Variants in CPZ observed in about 807,000 individuals in gnomAD.
CPZ encodes the protein VEZT/CPZ fusion.
Under a neutral mutation model 61.8 loss-of-function variants are expected in CPZ, and 103 were observed. The ratio of observed to expected loss-of-function variants is 1.67; its 90% CI spans 1.42 to 1.96. CPZ has a LOEUF of 1.96. CPZ is among the 30% of genes most tolerant of loss of function. CPZ has a pLI of 0.00. For missense variants in CPZ, 1,461 were observed against 914.9 expected, an observed-to-expected ratio of 1.60 and a Z score of -7.70; for synonymous variants, 551 against 373.7, an observed-to-expected ratio of 1.47 and a Z score of -5.47.
chr4:8,593,030 C>T (rs1713911754), intron 1 of CPZ, 109 bp downstream of exon 1: 1 of 840,532 alleles, frequency 1.2e-6, no homozygotes, highest in Non-Finnish European at 1.8e-6. Context: ...AGGTCACGCG[C>T]CTATGGTCCT....
rs1053491340 is a variant in CPZ, at chr4:8,596,539, C to T, written c.89-2914C>T. Among the ~76,000 whole-genome samples, 11 of 152,352 alleles carry T rather than the reference C, an allele frequency of 7.2e-5. No homozygotes were observed. The East Asian group carries it at 1.5e-3, about 21-fold the overall frequency. On this transcript the variant is annotated intron_variant, in intron 1 of 10. Transcript: ENST00000360986. ...TTATTGTGGGGTCACAGGGGATAGT[C>T]CTGCTCCTGCCCACGATATGCCCCA...
intron 1 of CPZ, among the ~76,000 whole-genome samples, chr4:8,594,698 G>A (rs1416210900): frequency 5.3e-5 from 8 of 152,082 alleles, no homozygotes; most frequent in Non-Finnish European, 8.8e-5. Context: ...AGCCATCCAC[G>A]CACAGAATTT....
intron 7 of CPZ, among the ~76,000 whole-genome samples, chr4:8,611,666 C>T (rs928603193): frequency 6.6e-6 from 1 of 152,162 alleles, no homozygotes; most frequent in African/African-American, 2.4e-5. Flanking sequence ...ACAGCCTGGG[C>T]TTTATAAACT....
chr4:8,605,330 C>CTATCCATCCATCCAGCCATCATTTATG (rs1553876725), intron 4 of CPZ, among the ~76,000 whole-genome samples: 1 of 149,204 alleles, frequency 6.7e-6, no homozygotes, highest in South Asian at 2.1e-4. Context: ...ATTCATCCAT[C>CTATCCATCCATCCAGCCATCATTTATG]CATCCATCCA....
At chr4:8,616,150 C>T (rs915423635) in intron 9 of CPZ, among the ~76,000 whole-genome samples, 3 of 152,216 alleles carry the variant, frequency 2.0e-5, no homozygotes, top group African/African-American at 4.8e-5. Flanking sequence ...CTGGCTGGCT[C>T]TTGAGACGGA....
In CPZ at chr4:8,619,504, C is replaced by A. The variant is rs767229617; in HGVS notation, c.1846C>A (p.Pro616Thr). Residue 616 changes from proline to threonine, a missense_variant, in exon 11 of 11, where the codon CCC becomes ACC. Physicochemically the swap from Pro to Thr is conservative, Grantham distance 38 (BLOSUM62 -1). Transcript: ENST00000360986. ...GASSLGEATE[P>T]DPLRARRQPS... Reference sequence around the variant, plus strand: ...CAGCTCTTTGGGGGAGGCCACGGAGCCCGACCCGCTCCGGGCGCGCAGGCA... The same window carrying A: ...CAGCTCTTTGGGGGAGGCCACGGAGACCGACCCGCTCCGGGCGCGCAGGCA... 2 of 1,603,700 alleles carry A rather than the reference C, an allele frequency of 1.2e-6. No homozygotes were observed. Among genetic ancestry groups the A allele is most frequent in the African/African-American group, 1.3e-5 (1 of 74,766 alleles).
chr4:8,617,324 C>A (rs566447587), intron 9 of CPZ, among the ~76,000 whole-genome samples: 2 of 152,182 alleles, frequency 1.3e-5, no homozygotes, highest in Admixed American at 6.5e-5. Context: ...ACAGTCACTA[C>A]GGCAGAGCTG....
Position 8,606,587 on chromosome 4 carries a change from A to T in CPZ, c.907-150A>T, listed in dbSNP as rs1457240711. On this transcript the variant is annotated intron_variant, in intron 5 of 10. Transcript: ENST00000360986. ...GGAGCCCCGGGGTGGAGAGGAGGCC[A>T]AGGGTCAGGCATGCCCCCGAGCTCA... 6.0e-6 allele frequency: 6 copies of T among 1,000,244 alleles called. No homozygotes were observed. In the Admixed American group the frequency reaches 1.1e-4, roughly 18 times the overall value. The allele number at this position is 1,000,244 out of a possible 1,614,324, so 62.0% of individuals were successfully genotyped here.
intron 3 of CPZ, chr4:8,603,745 C>T (rs58825861): frequency 0.017 from 9,895 of 577,052 alleles, 325 homozygotes; most frequent in African/African-American, 0.079. Flanking sequence ...AGTATGTTTA[C>T]TCACAGTCAC....
chr4:8,608,641 C>CGTGTGTGTGTGTATGCGCCT (rs57341669), intron 7 of CPZ, among the ~76,000 whole-genome samples: 20 of 151,536 alleles, frequency 1.3e-4, no homozygotes, highest in African/African-American at 4.8e-4. Flanking sequence ...TGTGAGTGCA[C>CGTGTGTGTGTGTATGCGCCT]GTGTGTGCGT....
intron 1 of CPZ, among the ~76,000 whole-genome samples, 193 bp downstream of exon 1, chr4:8,593,114 C>G (rs1038816376): frequency 1.3e-5 from 2 of 152,188 alleles, no homozygotes; most frequent in Admixed American, 6.5e-5. Flanking sequence ...GACGGGGACA[C>G]CAGGGAGGCT....
chr4:8,609,785 A>C (rs1313102135), intron 7 of CPZ, among the ~76,000 whole-genome samples: 1 of 152,234 alleles, frequency 6.6e-6, no homozygotes. Flanking sequence ...CCAAGCCATC[A>C]ATCATCGGGC....
chr4:8,616,722 A>T (rs4590008), intron 9 of CPZ, among the ~76,000 whole-genome samples: 4,720 of 152,230 alleles, frequency 0.031, 249 homozygotes, highest in East Asian at 0.24. Context: ...TGGCTTCTCG[A>T]GCTGTCCAGT....
At chr4:8,611,805 C>G (rs188341660) in intron 7 of CPZ, among the ~76,000 whole-genome samples, 1 of 152,072 alleles carries the variant, frequency 6.6e-6, no homozygotes, top group Non-Finnish European at 1.5e-5. Context: ...GACCTGGCCC[C>G]GAACTCCAGC....
Position 8,601,237 on chromosome 4 carries a change from A to G in CPZ, c.236A>G (p.Tyr79Cys), listed in dbSNP as rs778371973. The change falls in exon 3 of 11, where the codon TAC (tyrosine) becomes TGC (cysteine). Residue 79 changes from tyrosine to cysteine, a missense_variant. By Grantham distance (194) the Tyr-to-Cys change is radical. Coordinates refer to ENST00000360986, the MANE Select transcript of CPZ (RefSeq NM_001014447.3). ...SWEVVEASSE[Y>C]ILLSVLHQLL... ...GAGGTGGTGGAGGCCAGCTCCGAGT[A>G]CATCCTGCTGAGCGTTCTACACCAG... 20 of 1,613,416 alleles carry G rather than the reference A, an allele frequency of 1.2e-5. No homozygotes were observed. In the African/African-American group the frequency reaches 2.3e-4, roughly 18 times the overall value.
chr4:8,612,480 T>G (rs922186790), intron 8 of CPZ, among the ~76,000 whole-genome samples: 10 of 152,228 alleles, frequency 6.6e-5, no homozygotes, highest in Non-Finnish European at 1.3e-4. Context: ...GATGAAATGC[T>G]GGACTTCCAG....
chr4:8,608,838 C>T (rs1715278467), intron 7 of CPZ, among the ~76,000 whole-genome samples: 1 of 152,122 alleles, frequency 6.6e-6, no homozygotes, highest in Admixed American at 6.5e-5. Flanking sequence ...CCAAGGGGAG[C>T]CCCAGGGAGC....
intron 7 of CPZ, chr4:8,611,074 A>G (rs1457822435): frequency 2.8e-6 from 1 of 361,572 alleles, no homozygotes. Flanking sequence ...TCATTCACTC[A>G]TTCATTCGCT....
chr4:8,618,238 A>C (rs1181335928), intron 9 of CPZ, 191 bp from the exon 10 acceptor site: 2 of 599,440 alleles, frequency 3.3e-6, no homozygotes, highest in Non-Finnish European at 5.9e-6. Flanking sequence ...GCCAGGGAGG[A>C]AACTGAGGCC....
Sources: allele counts gnomAD v4.1 joint callset (sites outside exome capture counted in the v4.1 genomes callset), GRCh38; gene constraint gnomAD v4.1.1; transcripts MANE v1.5; gene names NCBI Gene and HGNC (gene_info 2026-07-23, HGNC 2026-07-21).